Variants in THUMPD2 observed in about 807,000 individuals in gnomAD.
THUMPD2 encodes the protein U6 snRNA (guanine-N(2))-methyltransferase THUMPD2.
Under a neutral mutation model 49.4 loss-of-function variants are expected in THUMPD2, and 56 were observed. The ratio of observed to expected loss-of-function variants is 1.13; its 90% confidence interval spans 0.91 to 1.41. THUMPD2 has a LOEUF of 1.41. THUMPD2 is among the 40% of genes most tolerant of loss of function. THUMPD2 has a pLI of 0.00. For synonymous variants in THUMPD2, 237 were observed against 205.2 expected, an observed-to-expected ratio of 1.15 and a Z score of -1.32; for missense variants, 709 against 594.5, an observed-to-expected ratio of 1.19 and a Z score of -2.00.
At chr2:39,769,084 T>C (rs753057877) in intron 3 of THUMPD2, 4 of 1,304,138 alleles carry the variant, frequency 3.1e-6, no homozygotes, top group African/African-American at 1.5e-5. Flanking sequence ...GACAATCCCA[T>C]GTACAGGACC....
At chr2:39,774,193 T>C (rs1475147046) in intron 1 of THUMPD2, among the ~76,000 whole-genome samples, 2 of 152,262 alleles carry the variant, frequency 1.3e-5, no homozygotes, top group African/African-American at 4.8e-5. Flanking sequence ...AGATAGGATC[T>C]GGCCAGTGAA....
intron 1 of THUMPD2, among the ~76,000 whole-genome samples, chr2:39,776,875 C>G (rs777029929): frequency 6.6e-6 from 1 of 152,236 alleles, no homozygotes; most frequent in East Asian, 1.9e-4. Flanking sequence ...TAAAAGAAAA[C>G]CTTTTGGGGC....
chr2:39,736,566 A>G lies in THUMPD2; in HGVS notation c.*169T>C. On this transcript the variant is annotated 3_prime_UTR_variant, in exon 10 of 10. Transcript: ENST00000505747. ...AAAAACATTAAGTACTTTAGAATAT[A>G]AAGCAGAAACTCTTACCAAGCATGT... The G allele has an allele frequency of 1.9e-6, 1 of 514,674 alleles. No homozygotes were observed. Among genetic ancestry groups the G allele is most frequent in the Non-Finnish European group, 3.4e-6 (1 of 297,934 alleles). 31.9% of individuals were successfully genotyped at this position (514,674 alleles called of 1,614,324 possible).
At chr2:39,749,598 A>AT (rs1553361709) in intron 8 of THUMPD2, among the ~76,000 whole-genome samples, 3 of 151,858 alleles carry the variant, frequency 2.0e-5, no homozygotes, top group South Asian at 2.1e-4. Context: ...CTAAGTTTTT[A>AT]TTTTTTTTCC....
intron 9 of THUMPD2, among the ~76,000 whole-genome samples, chr2:39,742,837 G>A (rs1430647972): frequency 6.6e-6 from 1 of 152,130 alleles, no homozygotes; most frequent in Non-Finnish European, 1.5e-5. Flanking sequence ...AAAAGCTCCT[G>A]AAATGATTTT....
At chr2:39,771,465 T>C (rs764095673) in intron 2 of THUMPD2, 40 bp downstream of exon 2, 19 of 1,559,270 alleles carry the variant, frequency 1.2e-5, no homozygotes, top group Non-Finnish European at 1.1e-5. Context: ...GTACAATGTA[T>C]CATGTGGGTA....
At chr2:39,776,621 C>T (rs1679139158) in intron 1 of THUMPD2, among the ~76,000 whole-genome samples, 1 of 152,134 alleles carries the variant, frequency 6.6e-6, no homozygotes, top group South Asian at 2.1e-4. Context: ...GAACTCCTGA[C>T]CTCAGGTAAT....
Position 39,766,179 on chromosome 2 carries a change from T to C in THUMPD2, c.751-70A>G, listed in dbSNP as rs947146077. The stretch of plus-strand genomic sequence containing the variant: ...TTACCAAATTACTGACAATTTGAAA[T>C]TTCCATTTTAAACTTACATGATCTA... On this transcript the variant is annotated intron_variant, in intron 4 of 9. Transcript: ENST00000505747. The C allele has an allele frequency of 6.7e-6, 8 of 1,190,374 alleles. No homozygotes were observed. In the Middle Eastern group the frequency reaches 9.8e-4, roughly 146 times the overall value. 73.7% of individuals were successfully genotyped at this position (1,190,374 alleles called of 1,614,324 possible).
chr2:39,774,284 T>G (rs1336738103), intron 1 of THUMPD2, among the ~76,000 whole-genome samples: 4 of 152,256 alleles, frequency 2.6e-5, no homozygotes, highest in Admixed American at 6.5e-5. Flanking sequence ...AATGTATGTA[T>G]AGATTACATT....
At chr2:39,757,851 C>T (rs768652315) in intron 6 of THUMPD2, among the ~76,000 whole-genome samples, 1 of 152,146 alleles carries the variant, frequency 6.6e-6, no homozygotes, top group Non-Finnish European at 1.5e-5. Context: ...CAAGGCTGAG[C>T]TGTCTGTGTA....
At chr2:39,773,083 AGTGAAG>A (rs1678553648) in intron 1 of THUMPD2, among the ~76,000 whole-genome samples, 1 of 152,214 alleles carries the variant, frequency 6.6e-6, no homozygotes, top group African/African-American at 2.4e-5. Context: ...ATAAGGGGAT[AGTGAAG>A]TAACCAAAAC....
chr2:39,755,301 C>T lies in THUMPD2; in HGVS notation c.1072G>A (p.Val358Ile). Residue 358 changes from valine (V) to isoleucine (I), a missense_variant, in exon 8 of 10, where the codon GTT becomes ATT. Physicochemically the swap from Val to Ile is conservative, Grantham distance 29 (BLOSUM62 3). Transcript: ENST00000505747. ...TGCATTTTTAGTATCTTACCTATAA[C>T]AGAGATTTTAAGTAATTCAATTTTA... is the stretch of plus-strand genomic sequence containing the variant. ...EDKIELLKIS[V>I]IELPLPSESV... The T allele has an allele frequency of 1.3e-6, 2 of 1,535,954 alleles. No homozygotes were observed. Among genetic ancestry groups the T allele is most frequent in the Non-Finnish European group, 1.7e-6 (2 of 1,149,398 alleles).
At chr2:39,741,154 G>A (rs1434495855) in intron 9 of THUMPD2, among the ~76,000 whole-genome samples, 1 of 152,180 alleles carries the variant, frequency 6.6e-6, no homozygotes, top group East Asian at 1.9e-4. Flanking sequence ...TCTGCAGTCA[G>A]TAAGTTGGGG....
chr2:39,755,835 C>T (rs1369032196), intron 7 of THUMPD2, 54 bp downstream of exon 7: 2 of 1,431,394 alleles, frequency 1.4e-6, no homozygotes, highest in Admixed American at 1.7e-5. Context: ...GATTATACTA[C>T]ATATACTGAT....
chr2:39,766,276 A>C, intron 4 of THUMPD2, 167 bp from the exon 5 acceptor site: 1 of 468,696 alleles, frequency 2.1e-6, no homozygotes. Context: ...TTTTTTTCTT[A>C]AGCAGAAGGA....
At chr2:39,740,136 G>T (rs976075150) in intron 9 of THUMPD2, among the ~76,000 whole-genome samples, 5 of 152,160 alleles carry the variant, frequency 3.3e-5, no homozygotes. Flanking sequence ...TTTTGCAGAT[G>T]AAGAAACTGT....
intron 9 of THUMPD2, among the ~76,000 whole-genome samples, chr2:39,738,170 A>C (rs1673382872): frequency 6.6e-6 from 1 of 152,228 alleles, no homozygotes; most frequent in Non-Finnish European, 1.5e-5. Context: ...ACGGAGGAGA[A>C]GACCCATGAA....
chr2:39,738,274 T>C lies in THUMPD2; in HGVS notation c.1188-1215A>G, dbSNP rs564553156. 1.0e-3 allele frequency among the ~76,000 whole-genome samples: 158 copies of C among 152,262 alleles called. 1 individual carries two copies. The highest frequency in any genetic ancestry group is 3.5e-3 in the African/African-American group (147 of 41,554). On this transcript the variant is annotated intron_variant, in intron 9 of 9. Coordinates refer to ENST00000505747, the MANE Select transcript of THUMPD2 (RefSeq NM_025264.5). ...AAGAAACAGTTTCAACAGTGTCAAA[T>C]GCTATAGGGCCGGCATGGTGGCTCA...
intron 4 of THUMPD2, among the ~76,000 whole-genome samples, chr2:39,766,813 C>A (rs1014944102): frequency 6.6e-6 from 1 of 152,098 alleles, no homozygotes; most frequent in African/African-American, 2.4e-5. Flanking sequence ...AGAATTATTC[C>A]AATATTGATC....
Sources: gnomAD v4.1 joint callset for allele counts (sites outside exome capture counted in the v4.1 genomes callset) on GRCh38, gnomAD v4.1.1 for gene constraint, MANE v1.5 for transcripts, NCBI Gene and HGNC (gene_info 2026-07-23, HGNC 2026-07-21) for gene names.